The following KAZN variants were observed in gnomAD, a reference collection of about 807,000 sequenced individuals.
The protein encoded by KAZN is kazrin.
In KAZN, 40 loss-of-function variants were observed where a neutral mutation model predicts 87.4. That is an observed-to-expected ratio of 0.46 (90% CI 0.36 to 0.60). The LOEUF (loss-of-function observed/expected upper bound fraction) is 0.60, where lower values mean the gene tolerates loss of function less well. Ranked by LOEUF, KAZN falls within the 20% of genes least tolerant of loss-of-function variation. The pLI is 0.00. For missense variants in KAZN, 898 were observed against 1,073.9 expected, an observed-to-expected ratio of 0.84 and a Z score of 2.29; for synonymous variants, 466 against 458.3, an observed-to-expected ratio of 1.02 and a Z score of -0.22.
chr1:14,043,912 G>A (rs1641945851), intron 1 of KAZN, among the ~76,000 whole-genome samples: 2 of 152,116 alleles, frequency 1.3e-5, no homozygotes, highest in Non-Finnish European at 2.9e-5. Flanking sequence ...AAGCCCTAGG[G>A]GCTGAGAAAC....
At chr1:14,789,741 A>G (rs1304404543) in intron 1 of KAZN, among the ~76,000 whole-genome samples, 2 of 136,212 alleles carry the variant, frequency 1.5e-5, no homozygotes. Context: ...GAAGGCAAGG[A>G]CTCTAAGCTC....
intron 2 of KAZN, among the ~76,000 whole-genome samples, chr1:14,227,290 T>A (rs188602918): frequency 1.3e-5 from 2 of 152,264 alleles, no homozygotes; most frequent in Non-Finnish European, 2.9e-5. Flanking sequence ...TTTTGGATCC[T>A]ATGGGTCAGG....
At chr1:14,728,010 G>T in intron 1 of KAZN, among the ~76,000 whole-genome samples, 1 of 151,874 alleles carries the variant, frequency 6.6e-6, no homozygotes, top group East Asian at 2.0e-4. Flanking sequence ...TGCTGGCCGG[G>T]CGCGGTGCCT....
At position 14,289,790 on chromosome 1, in the gene KAZN, C is replaced by T. The variant is rs568406788; in HGVS notation, c.249+109198C>T. On this transcript the variant is annotated intron_variant, in intron 2 of 16. Coordinates refer to the KAZN transcript ENST00000636203. ...CTTCATAGCATCGATGGTCTTTACA[C>T]TTTGGCATGTTTTTGCAGTGGCTGG... Among the ~76,000 whole-genome samples the T allele has an allele frequency of 4.2e-4, 64 of 152,308 alleles. 1 individual carries two copies. The highest frequency in any genetic ancestry group is 1.5e-3 in the African/African-American group (62 of 41,566).
intron 10 of KAZN, among the ~76,000 whole-genome samples, chr1:15,101,063 G>T (rs1641039052): frequency 6.6e-6 from 1 of 152,156 alleles, no homozygotes; most frequent in Admixed American, 6.5e-5. Flanking sequence ...CCCCGCCCCT[G>T]CGCCTTCTCA....
At chr1:14,092,485 A>G (rs1161018651) in intron 1 of KAZN, among the ~76,000 whole-genome samples, 1 of 151,314 alleles carries the variant, frequency 6.6e-6, no homozygotes, top group African/African-American at 2.4e-5. Context: ...CACACACAAC[A>G]CACACATATT....
rs533007613 is a variant in KAZN, at chr1:14,352,940, T to C, written c.249+172348T>C. ...AATAGATTATGATCATTTTACTAGA[T>C]GAAGAAAAGGCATTTGCCGAAAATT... is the stretch of plus-strand genomic sequence containing the variant. On this transcript the variant is annotated intron_variant, in intron 2 of 16. Coordinates refer to the KAZN transcript ENST00000636203. 5.3e-5 allele frequency among the ~76,000 whole-genome samples: 8 copies of C among 152,364 alleles called. No homozygotes were observed. The East Asian group carries it at 1.5e-3, about 29-fold the overall frequency.
At chr1:15,105,590 G>A (rs1433372449) in intron 13 of KAZN, among the ~76,000 whole-genome samples, 2 of 151,778 alleles carry the variant, frequency 1.3e-5, no homozygotes, top group African/African-American at 4.8e-5. Context: ...CTATCTAAAG[G>A]TTTGTTGGTT....
At chr1:15,033,809 G>T (rs1449551031) in intron 2 of KAZN, among the ~76,000 whole-genome samples, 1 of 152,206 alleles carries the variant, frequency 6.6e-6, no homozygotes, top group African/African-American at 2.4e-5. Flanking sequence ...TGCAATCTCA[G>T]CTCACTGCAA....
intron 2 of KAZN, among the ~76,000 whole-genome samples, chr1:14,273,015 C>T (rs75451514): frequency 6.6e-6 from 1 of 152,088 alleles, no homozygotes; most frequent in East Asian, 1.9e-4. Context: ...AAGATGGAAG[C>T]TTAGAGAGAG....
chr1:14,557,816 A>G (rs980035934), intron 2 of KAZN, among the ~76,000 whole-genome samples: 4 of 152,178 alleles, frequency 2.6e-5, no homozygotes, highest in African/African-American at 4.8e-5. Context: ...GTGATGGTGC[A>G]TGTCTGATTA....
intron 1 of KAZN, among the ~76,000 whole-genome samples, chr1:14,724,375 C>T (rs914439283): frequency 1.3e-5 from 2 of 152,158 alleles, no homozygotes; most frequent in East Asian, 3.9e-4. Flanking sequence ...GATGCGTCTG[C>T]GGGAGAGCTG....
intron 2 of KAZN, among the ~76,000 whole-genome samples, chr1:14,267,883 C>A (rs1200473090): frequency 1.3e-5 from 2 of 152,132 alleles, no homozygotes; most frequent in African/African-American, 4.8e-5. Flanking sequence ...TCACTTGAAC[C>A]CAGGAGGCGG....
At chr1:14,420,694 C>G (rs1665343999) in intron 2 of KAZN, among the ~76,000 whole-genome samples, 1 of 152,178 alleles carries the variant, frequency 6.6e-6, no homozygotes, top group Non-Finnish European at 1.5e-5. Flanking sequence ...GCAGCGCCTG[C>G]AGGCCGTCTC....
chr1:13,967,144 C>T (rs151094085), intron 1 of KAZN, among the ~76,000 whole-genome samples: 87 of 152,252 alleles, frequency 5.7e-4, no homozygotes, highest in African/African-American at 2.0e-3. Context: ...ATTTTGCAGT[C>T]ATTAAACTCT....
At chr1:14,643,644 C>A (rs1343957798) in intron 1 of KAZN, among the ~76,000 whole-genome samples, 1 of 152,146 alleles carries the variant, frequency 6.6e-6, no homozygotes, top group Admixed American at 6.5e-5. Context: ...GTGCATGTAT[C>A]TTTATGGTAG....
rs1458227512 is a variant in KAZN at position 14,005,677 on chromosome 1, T to C, written c.91+111921T>C. On this transcript the variant is annotated intron_variant, in intron 1 of 16. Coordinates refer to the KAZN transcript ENST00000636203. ...TATCATATGCCAGGCACTACTGGGC[T>C]GAATGCTTTCCCTGGAGGATCTTTA... is the stretch of plus-strand genomic sequence containing the variant. 6.2e-4 allele frequency among the ~76,000 whole-genome samples: 94 copies of C among 152,244 alleles called. 1 individual carries two copies. The highest frequency in any genetic ancestry group is 3.1e-4 in the Non-Finnish European group (21 of 68,042).
At chr1:14,237,599 G>A (rs993620424) in intron 2 of KAZN, among the ~76,000 whole-genome samples, 3 of 152,116 alleles carry the variant, frequency 2.0e-5, no homozygotes, top group African/African-American at 4.8e-5. Context: ...ACCTGTGAAC[G>A]TGCTAGAGAA....
chr1:14,633,946 C>T (rs907289654), intron 1 of KAZN, among the ~76,000 whole-genome samples: 14 of 151,968 alleles, frequency 9.2e-5, no homozygotes, highest in African/African-American at 3.4e-4. Context: ...ACCACAATTG[C>T]TTACAATAGA....
Sources: allele counts gnomAD v4.1 joint callset (sites outside exome capture counted in the v4.1 genomes callset), GRCh38; gene constraint gnomAD v4.1.1; transcripts MANE v1.5; gene names NCBI Gene and HGNC (gene_info 2026-07-23, HGNC 2026-07-21).